OSMR: variants seen among roughly 807,000 people sequenced by gnomAD.
OSMR encodes the protein oncostatin M receptor.
OSMR carries 81 observed loss-of-function variants against 99.9 expected under a neutral mutation model. The observed-to-expected ratio is 0.81, with a 90% CI of 0.68 to 0.97. OSMR has a LOEUF of 0.97. Ranked by LOEUF, OSMR falls within the 50% of genes least tolerant of loss-of-function variation. The probability of loss-of-function intolerance (pLI) is 0.00; values close to 1 mark genes in which losing one functional copy is unlikely to be tolerated. For missense variants in OSMR, 1,099 were observed against 1,153.4 expected (o/e 0.95, Z 0.68); for synonymous variants, 406 against 410.4 (o/e 0.99, Z 0.13).
At chr5:38,860,474 A>G (rs958962253) in intron 1 of OSMR, among the ~76,000 whole-genome samples, 1 of 151,986 alleles carries the variant, frequency 6.6e-6, no homozygotes, top group Non-Finnish European at 1.5e-5. Flanking sequence ...TTTGCCTAGT[A>G]TTTTATTGAG....
downstream of OSMR, chr5:38,940,259 A>C (rs1032784340): frequency 4.3e-6 from 1 of 230,666 alleles, no homozygotes; most frequent in East Asian, 6.1e-5. Flanking sequence ...GTGTGTGTGT[A>C]AGACAAAAAA....
chr5:38,932,915 C>T lies in OSMR; in HGVS notation c.2411C>T (p.Pro804Leu), dbSNP rs780551635. 1.2e-6 allele frequency: 2 copies of T among 1,614,068 alleles called. No homozygotes were observed. Among genetic ancestry groups the T allele is most frequent in the South Asian group, 2.2e-5 (2 of 91,072 alleles). The change falls in exon 18 of 18, where the codon CCA becomes CTA. Residue 804 changes from proline to leucine, a missense_variant. By Grantham distance (98) the Pro-to-Leu change is moderately conservative (BLOSUM62 -3). Coordinates refer to ENST00000274276, the MANE Select transcript of OSMR (RefSeq NM_003999.3). The stretch of plus-strand genomic sequence containing the variant: ...ATAATGAATGTCAGTGACTGTATCC[C>T]AGATGCTATTGAAGTTGTAAGCAAG... ...LIIMNVSDCIPDAIEVVSKPE... is the reference protein window; with the variant it reads ...LIIMNVSDCILDAIEVVSKPE...
At chr5:38,857,559 G>T (rs1740950905) in intron 1 of OSMR, among the ~76,000 whole-genome samples, 1 of 152,118 alleles carries the variant, frequency 6.6e-6, no homozygotes, top group Non-Finnish European at 1.5e-5. Flanking sequence ...TGATGTTTCA[G>T]TGTATGTATA....
chr5:38,942,914 G>T, intron 1 of OSMR: 1 of 1,607,188 alleles, frequency 6.2e-7, no homozygotes. Flanking sequence ...ACAGCAAATG[G>T]GAAACCTCAG....
intron 7 of OSMR, among the ~76,000 whole-genome samples, chr5:38,903,079 A>T (rs1406397574): frequency 2.6e-5 from 4 of 152,168 alleles, no homozygotes; most frequent in Non-Finnish European, 5.9e-5. Flanking sequence ...CCAATGAGCC[A>T]TTGTTCTGTC....
Position 38,885,410 on chromosome 5 carries a change from T to C in OSMR, c.765T>C (p.Cys255=). Residue 255 remains cysteine (C), a synonymous_variant, in exon 6 of 18, where the codon TGT becomes TGC. Transcript: ENST00000274276. ...CCGAGGACTTCAAGACTTTGCACTGTACTTGGGATCCTGGGACGGACACTG... is the reference window on the plus strand; with the variant it reads ...CCGAGGACTTCAAGACTTTGCACTGCACTTGGGATCCTGGGACGGACACTG... The part of the protein sequence containing the change: ...CETEDFKTLH[C]TWDPGTDTAL... 1 of 1,613,956 alleles carries C rather than the reference T, an allele frequency of 6.2e-7. No homozygotes were observed. Among genetic ancestry groups the C allele is most frequent in the Non-Finnish European group, 8.5e-7 (1 of 1,179,844 alleles).
chr5:38,893,290 T>G (rs1744278807), intron 7 of OSMR, among the ~76,000 whole-genome samples: 3 of 152,052 alleles, frequency 2.0e-5, no homozygotes, highest in Non-Finnish European at 4.4e-5. Flanking sequence ...ATCATGAAAA[T>G]CGAAATGTTG....
At chr5:38,862,124 G>A (rs865864436) in intron 1 of OSMR, among the ~76,000 whole-genome samples, 1 of 125,774 alleles carries the variant, frequency 8.0e-6, no homozygotes, top group African/African-American at 3.1e-5. Context: ...CCTCCCGGAC[G>A]GGGCGGCTGG....
intron 1 of OSMR, chr5:38,942,357 C>T: frequency 1.9e-6 from 3 of 1,595,800 alleles, no homozygotes; most frequent in Non-Finnish European, 2.6e-6. Flanking sequence ...GTTGCCAACA[C>T]AGCCTCTGCT....
chr5:38,912,753 G>T (rs1385398781), intron 9 of OSMR, among the ~76,000 whole-genome samples: 1 of 152,024 alleles, frequency 6.6e-6, no homozygotes, highest in Non-Finnish European at 1.5e-5. Context: ...GCAGAATAGA[G>T]AACCCAAAAA....
intron 7 of OSMR, among the ~76,000 whole-genome samples, chr5:38,893,029 A>G (rs1744259348): frequency 6.6e-6 from 1 of 152,206 alleles, no homozygotes; most frequent in Non-Finnish European, 1.5e-5. Flanking sequence ...GGAACCCCAG[A>G]GTACTGGGCA....
At position 38,923,256 on chromosome 5, in the gene OSMR, T is replaced by C; in HGVS notation, c.1870+2T>C. On this transcript the variant is annotated splice_donor_variant, in intron 13 of 17. Transcript: ENST00000274276. LOFTEE classifies it high-confidence loss of function. Reference sequence around the variant, plus strand: ...AAACAGGATACTCTCAGGAACTTGGTAAGTTTAAAGCATGTAATGTGCCCC... The same window carrying C: ...AAACAGGATACTCTCAGGAACTTGGCAAGTTTAAAGCATGTAATGTGCCCC... The C allele has an allele frequency of 6.4e-7, 1 of 1,556,362 alleles. No individual in the cohort carries two copies. The highest frequency in any genetic ancestry group is 1.1e-5 in the South Asian group (1 of 89,916).
intron 1 of OSMR, among the ~76,000 whole-genome samples, chr5:38,855,150 A>G (rs1740742431): frequency 6.6e-6 from 1 of 152,168 alleles, no homozygotes; most frequent in Non-Finnish European, 1.5e-5. Context: ...AAGCTAGGAA[A>G]GCCTGGCCCA....
intron 2 of OSMR, 49 bp from the exon 3 acceptor site, chr5:38,876,152 A>T: frequency 1.3e-6 from 2 of 1,590,692 alleles, no homozygotes; most frequent in Non-Finnish European, 1.7e-6. Flanking sequence ...TGACTCTTCA[A>T]TCATGCTCCT....
intron 1 of OSMR, among the ~76,000 whole-genome samples, chr5:38,849,426 T>G (rs911029294): frequency 6.6e-6 from 1 of 152,116 alleles, no homozygotes; most frequent in Non-Finnish European, 1.5e-5. Flanking sequence ...TGTAAAAGGG[T>G]CTGTGTCAGG....
rs62354707 is a variant in OSMR, at chr5:38,861,913, G to A, written c.-13-7119G>A. ...TCCCTCCCGGACGGGGCGGCTGGCCGGGCGGGGGGCTGACCCCCCCACCTC... is the reference window on the plus strand; with the variant it reads ...TCCCTCCCGGACGGGGCGGCTGGCCAGGCGGGGGGCTGACCCCCCCACCTC... On this transcript the variant is annotated intron_variant, in intron 1 of 17. Coordinates refer to ENST00000274276, the MANE Select transcript of OSMR (RefSeq NM_003999.3). Among the ~76,000 whole-genome samples, 779 of 138,962 alleles carry A rather than the reference G, an allele frequency of 5.6e-3. 4 individuals are homozygous for A. Among genetic ancestry groups the A allele is most frequent in the Middle Eastern group, 0.036 (8 of 222 alleles). 91.2% of individuals were successfully genotyped at this position (138,962 alleles called of 152,430 possible). A position where few individuals can be genotyped will look rare whatever the true frequency, so the allele number is the denominator to read the frequency against.
At chr5:38,870,682 T>A (rs902462496) in intron 2 of OSMR, among the ~76,000 whole-genome samples, 31 of 152,238 alleles carry the variant, frequency 2.0e-4, no homozygotes, top group African/African-American at 7.2e-4. Context: ...TTAAAGGGAC[T>A]GCTTTGCTTT....
intron 1 of OSMR, among the ~76,000 whole-genome samples, chr5:38,864,018 C>G (rs1741729312): frequency 6.6e-6 from 1 of 152,030 alleles, no homozygotes; most frequent in African/African-American, 2.4e-5. Context: ...TTTTCCTATC[C>G]CTTCACTTTC....
At chr5:38,911,541 A>T (rs1745586320) in intron 9 of OSMR, among the ~76,000 whole-genome samples, 1 of 151,986 alleles carries the variant, frequency 6.6e-6, no homozygotes, top group African/African-American at 2.4e-5. Context: ...GAGTTGGGGG[A>T]CTCCTCCCTA....
Sources: allele counts gnomAD v4.1 joint callset (sites outside exome capture counted in the v4.1 genomes callset), GRCh38; gene constraint gnomAD v4.1.1; transcripts MANE v1.5; gene names NCBI Gene and HGNC (gene_info 2026-07-23, HGNC 2026-07-21).